The following MARCHF7 variants were observed in gnomAD, a reference collection of about 807,000 sequenced individuals.
MARCHF7 encodes membrane associated ring-CH-type finger 7.
A neutral mutation model predicts 76.5 loss-of-function variants in MARCHF7; 20 were observed. The ratio of observed to expected loss-of-function variants is 0.26; its 90% confidence interval spans 0.18 to 0.38. The LOEUF (loss-of-function observed/expected upper bound fraction) is 0.38, where lower values mean the gene tolerates loss of function less well. MARCHF7 is among the 10% of genes least tolerant of loss of function. The probability of loss-of-function intolerance (pLI) is 1.00; values close to 1 mark genes in which losing one functional copy is unlikely to be tolerated. For synonymous variants in MARCHF7, 295 were observed against 293.0 expected, an observed-to-expected ratio of 1.01 and a Z score of -0.07; for missense variants, 797 against 812.9, an observed-to-expected ratio of 0.98 and a Z score of 0.24.
intron 7 of MARCHF7, among the ~76,000 whole-genome samples, chr2:159,751,712 T>A (rs1271247824): frequency 6.6e-6 from 1 of 152,192 alleles, no homozygotes; most frequent in African/African-American, 2.4e-5. Flanking sequence ...ACTTACCTTA[T>A]TATATAAAAC....
At chr2:159,754,405 T>G (rs1434185918) in intron 8 of MARCHF7, among the ~76,000 whole-genome samples, 1 of 152,074 alleles carries the variant, frequency 6.6e-6, no homozygotes, top group Non-Finnish European at 1.5e-5. Context: ...TAGATGTTCT[T>G]GGTGGTTTCA....
Position 159,767,472 on chromosome 2 carries a change from C to T in MARCHF7, c.*130C>T. On this transcript the variant is annotated 3_prime_UTR_variant, in exon 12 of 12. Coordinates refer to ENST00000409175, the MANE Select transcript of MARCHF7 (RefSeq NM_001282805.2). ...TATATATAAAATGAATATATACATA[C>T]ACATGTATGCCTGTATATATATATT... The T allele has an allele frequency of 1.6e-6, 1 of 606,244 alleles. No homozygotes were observed. Among genetic ancestry groups the T allele is most frequent in the Admixed American group, 3.0e-5 (1 of 32,820 alleles). The allele number at this position is 606,244 out of a possible 1,614,324, so 37.6% of individuals were successfully genotyped here.
intron 9 of MARCHF7, among the ~76,000 whole-genome samples, chr2:159,760,899 CTTGT>C (rs1574437537): frequency 6.6e-6 from 1 of 151,970 alleles, no homozygotes; most frequent in Admixed American, 6.6e-5. Context: ...CTGGTTTTAA[CTTGT>C]TTGTTCTGTA....
At chr2:159,758,830 G>A (rs1706651879) in intron 8 of MARCHF7, among the ~76,000 whole-genome samples, 2 of 152,186 alleles carry the variant, frequency 1.3e-5, no homozygotes, top group South Asian at 4.1e-4. Flanking sequence ...GCTTGGGTGT[G>A]TAACTAGGTG....
intron 4 of MARCHF7, among the ~76,000 whole-genome samples, chr2:159,731,646 C>T (rs879366974): frequency 6.6e-6 from 1 of 151,384 alleles, no homozygotes; most frequent in Non-Finnish European, 1.5e-5. Context: ...CCTAGCTACT[C>T]GGGAGGCTGA....
intron 7 of MARCHF7, among the ~76,000 whole-genome samples, chr2:159,750,397 C>T (rs1433731580): frequency 6.6e-6 from 1 of 152,160 alleles, no homozygotes; most frequent in Non-Finnish European, 1.5e-5. Flanking sequence ...TGGTGGCATG[C>T]ACCTGTAGTC....
intron 6 of MARCHF7, among the ~76,000 whole-genome samples, chr2:159,746,504 C>T (rs1210525768): frequency 6.6e-6 from 1 of 152,192 alleles, no homozygotes; most frequent in Non-Finnish European, 1.5e-5. Flanking sequence ...TGGGTTCAAG[C>T]GATTCTCCTG....
At chr2:159,725,121 T>C (rs1702019994) in intron 3 of MARCHF7, among the ~76,000 whole-genome samples, 1 of 152,240 alleles carries the variant, frequency 6.6e-6, no homozygotes, top group South Asian at 2.1e-4. Context: ...TTTGCTATTG[T>C]GAGTAGTGCC....
chr2:159,764,859 A>G (rs532011622), intron 11 of MARCHF7, among the ~76,000 whole-genome samples, 185 bp downstream of exon 11: 8 of 151,042 alleles, frequency 5.3e-5, no homozygotes, highest in East Asian at 1.9e-4. Context: ...TTTTTTAAGC[A>G]TATTTTAAGG....
At chr2:159,759,170 G>A in intron 8 of MARCHF7, 56 bp from the exon 9 acceptor site, 1 of 904,296 alleles carries the variant, frequency 1.1e-6, no homozygotes, top group South Asian at 1.5e-5. Flanking sequence ...ACGAGGAAAA[G>A]TGTTTTATGA....
intron 3 of MARCHF7, among the ~76,000 whole-genome samples, chr2:159,720,860 CTT>C (rs1701556945): frequency 6.6e-6 from 1 of 152,102 alleles, no homozygotes; most frequent in South Asian, 2.1e-4. Context: ...TAGCTTAACT[CTT>C]TCCGCAACCG....
intron 9 of MARCHF7, among the ~76,000 whole-genome samples, chr2:159,760,873 G>A (rs1435287949): frequency 6.6e-6 from 1 of 152,070 alleles, no homozygotes; most frequent in African/African-American, 2.4e-5. Context: ...AACAGTGACA[G>A]CCTTGATTAA....
rs767702748 is a variant in MARCHF7 at position 159,762,976 on chromosome 2, C to T, written c.1990C>T (p.Pro664Ser). Residue 664 changes from proline (P) to serine (S), a missense_variant, in exon 10 of 12, where the codon CCA becomes TCA. Pro to Ser is a moderately conservative substitution (Grantham distance 74, BLOSUM62 -1). This residue lies in a region of MARCHF7 where 124 missense variants were observed against 121.3 expected (regional missense o/e 1.02). Coordinates refer to ENST00000409175, the MANE Select transcript of MARCHF7 (RefSeq NM_001282805.2). Reference sequence around the variant, plus strand: ...TGATATGATGGGAAATACAAATGAACCAAGCACACGTGTCCGAGTAAGTAA... The same window carrying T: ...TGATATGATGGGAAATACAAATGAATCAAGCACACGTGTCCGAGTAAGTAA... ...FSDMMGNTNEPSTRVRFINLA... is the reference protein window; with the variant it reads ...FSDMMGNTNESSTRVRFINLA... The T allele has an allele frequency of 1.2e-6, 2 of 1,611,462 alleles. No homozygotes were observed. Among genetic ancestry groups the T allele is most frequent in the Non-Finnish European group, 1.7e-6 (2 of 1,178,776 alleles).
At chr2:159,724,909 C>G (rs1701998181) in intron 3 of MARCHF7, among the ~76,000 whole-genome samples, 1 of 152,180 alleles carries the variant, frequency 6.6e-6, no homozygotes, top group Non-Finnish European at 1.5e-5. Context: ...TCAGTTCCCA[C>G]CCATGAGTGA....
At chr2:159,733,632 T>G (rs1703090458) in intron 4 of MARCHF7, 1 of 984,874 alleles carries the variant, frequency 1.0e-6, no homozygotes, top group Non-Finnish European at 1.2e-6. Flanking sequence ...AGGCACTTGG[T>G]AAATCTGAAG....
chr2:159,726,728 C>T (rs909235041), intron 3 of MARCHF7, among the ~76,000 whole-genome samples: 1 of 152,148 alleles, frequency 6.6e-6, no homozygotes, highest in Non-Finnish European at 1.5e-5. Context: ...GTTGTGCAAA[C>T]ATCACTATCA....
intron 7 of MARCHF7, among the ~76,000 whole-genome samples, chr2:159,750,282 T>C (rs1489098580): frequency 2.6e-5 from 4 of 152,196 alleles, no homozygotes; most frequent in African/African-American, 9.7e-5. Context: ...ATCCCAGCAC[T>C]TTGGGAGGCC....
intron 3 of MARCHF7, among the ~76,000 whole-genome samples, chr2:159,719,230 G>C (rs1701361858): frequency 6.6e-6 from 1 of 151,960 alleles, no homozygotes; most frequent in Non-Finnish European, 1.5e-5. Flanking sequence ...ATTTTTTGTA[G>C]AGACGGGGTG....
intron 8 of MARCHF7, 68 bp from the exon 9 acceptor site, chr2:159,759,156 CTT>C: frequency 1.2e-6 from 1 of 815,452 alleles, no homozygotes; most frequent in Non-Finnish European, 2.0e-6. Flanking sequence ...AAGCTTAAAA[CTT>C]AACGAGGAAA....
Sources: gnomAD v4.1 joint callset for allele counts (sites outside exome capture counted in the v4.1 genomes callset) on GRCh38, gnomAD v4.1.1 for gene constraint, gnomAD v4.1.1 regional missense constraint, MANE v1.5 for transcripts, NCBI Gene and HGNC (gene_info 2026-07-23, HGNC 2026-07-21) for gene names.